The following DPP10 variants were observed in gnomAD, a reference collection of about 807,000 sequenced individuals.
DPP10 encodes dipeptidyl peptidase like 10.
DPP10 carries 33 observed loss-of-function variants against 120.9 expected under a neutral mutation model. The observed-to-expected ratio is 0.27, with a 90% CI of 0.21 to 0.37. DPP10 has a LOEUF of 0.37. DPP10 is among the 10% of genes least tolerant of loss of function. The pLI is 1.00. For synonymous variants in DPP10, 337 were observed against 326.1 expected, an observed-to-expected ratio of 1.03 and a Z score of -0.36; for missense variants, 816 against 942.8, an observed-to-expected ratio of 0.87 and a Z score of 1.76.
chr2:115,797,571 G>A (rs1575805227), intron 19 of DPP10, among the ~76,000 whole-genome samples: 2 of 151,860 alleles, frequency 1.3e-5, no homozygotes, highest in Admixed American at 6.6e-5. Context: ...TTAAATTTTA[G>A]GTTTATCATT....
chr2:115,378,366 G>T (rs2065985295), intron 3 of DPP10, among the ~76,000 whole-genome samples: 1 of 150,626 alleles, frequency 6.6e-6, no homozygotes, highest in African/African-American at 2.5e-5. Context: ...TCTGTTGTTG[G>T]TGTATAAGAA....
intron 5 of DPP10, among the ~76,000 whole-genome samples, chr2:115,643,320 G>A (rs1384807239): frequency 3.3e-5 from 5 of 152,012 alleles, no homozygotes; most frequent in Non-Finnish European, 7.4e-5. Context: ...TGGCTACTTC[G>A]GCTGCAATAG....
intron 1 of DPP10, among the ~76,000 whole-genome samples, chr2:115,121,899 A>T (rs2049842868): frequency 6.6e-6 from 1 of 152,174 alleles, no homozygotes; most frequent in African/African-American, 2.4e-5. Context: ...GATCATTTTT[A>T]GGCTGAACAG....
chr2:114,485,874 G>A (rs979014991), intron 1 of DPP10, among the ~76,000 whole-genome samples: 3 of 152,140 alleles, frequency 2.0e-5, no homozygotes, highest in Admixed American at 2.0e-4. Flanking sequence ...TAGGATTAGA[G>A]ATGGGAAACG....
At chr2:115,445,804 C>T (rs779739522) in intron 3 of DPP10, among the ~76,000 whole-genome samples, 12 of 152,280 alleles carry the variant, frequency 7.9e-5, no homozygotes, top group Middle Eastern at 3.4e-3. Flanking sequence ...ATGTTAATAG[C>T]GAAGACAATG....
intron 3 of DPP10, among the ~76,000 whole-genome samples, chr2:115,361,253 A>G (rs186988282): frequency 1.2e-4 from 19 of 152,126 alleles, no homozygotes; most frequent in African/African-American, 4.1e-4. Flanking sequence ...TCTCAGCTCA[A>G]TACCCCTGAG....
intron 1 of DPP10, among the ~76,000 whole-genome samples, chr2:114,674,486 G>A (rs1294021027): frequency 6.6e-6 from 1 of 151,892 alleles, no homozygotes; most frequent in Non-Finnish European, 1.5e-5. Flanking sequence ...TCAAAACGAA[G>A]GAAAAAGACA....
chr2:114,855,871 G>A (rs1689327032), intron 1 of DPP10, among the ~76,000 whole-genome samples: 2 of 151,664 alleles, frequency 1.3e-5, no homozygotes, highest in African/African-American at 4.8e-5. Flanking sequence ...AAATAAATAT[G>A]CTCTAGCCAA....
At chr2:114,485,604 A>C (rs1681445877) in intron 1 of DPP10, among the ~76,000 whole-genome samples, 1 of 151,604 alleles carries the variant, frequency 6.6e-6, no homozygotes, top group African/African-American at 2.4e-5. Context: ...GGCCTAATGT[A>C]GGAACTCAGT....
intron 5 of DPP10, among the ~76,000 whole-genome samples, chr2:115,546,112 T>G (rs2079484653): frequency 6.6e-6 from 1 of 152,134 alleles, no homozygotes; most frequent in Non-Finnish European, 1.5e-5. Flanking sequence ...TGGGAACATC[T>G]TTTTGGTTTT....
At position 115,451,426 on chromosome 2, in the gene DPP10, G is replaced by C. The variant is rs144998093; in HGVS notation, c.272-48084G>C. 1.5e-3 allele frequency among the ~76,000 whole-genome samples: 231 copies of C among 151,978 alleles called. 1 individual carries two copies. The highest frequency in any genetic ancestry group is 4.9e-3 in the African/African-American group (203 of 41,526). On this transcript the variant is annotated intron_variant, in intron 3 of 25. Transcript: ENST00000410059. ...TCCTCAAAGATTTCATGTCTGCCAA[G>C]TGTTGCAGACAAAAATAAAACTCTT...
At chr2:115,660,655 C>CTTTTTTT in intron 5 of DPP10, among the ~76,000 whole-genome samples, 21 of 25,318 alleles carry the variant, frequency 8.3e-4, no homozygotes, top group Admixed American at 4.4e-3. Flanking sequence ...CTCTGTCTGG[C>CTTTTTTT]TTTTTTTTTT....
chr2:114,557,446 C>T (rs574423491), intron 1 of DPP10, among the ~76,000 whole-genome samples: 1 of 152,142 alleles, frequency 6.6e-6, no homozygotes. Context: ...GAAGTGGAGA[C>T]CAACACGCCA....
At chr2:114,494,485 A>G (rs1682327641) in intron 1 of DPP10, among the ~76,000 whole-genome samples, 1 of 152,196 alleles carries the variant, frequency 6.6e-6, no homozygotes, top group South Asian at 2.1e-4. Context: ...AGAAGCAAGC[A>G]TGAGTTTGAC....
intron 5 of DPP10, among the ~76,000 whole-genome samples, chr2:115,633,546 G>T (rs9711166): frequency 0.21 from 31,646 of 151,838 alleles, 3,998 homozygotes; most frequent in East Asian, 0.39. Flanking sequence ...AAACCTGCAC[G>T]TTGTACACAT....
intron 1 of DPP10, among the ~76,000 whole-genome samples, chr2:115,306,687 T>A (rs1017143365): frequency 2.6e-5 from 4 of 152,156 alleles, no homozygotes; most frequent in Admixed American, 2.0e-4. Context: ...CCTTGAGCAT[T>A]GATGAGTCAT....
chr2:115,695,961 T>A (rs1262982735), intron 7 of DPP10, among the ~76,000 whole-genome samples: 2 of 152,012 alleles, frequency 1.3e-5, no homozygotes, highest in African/African-American at 4.8e-5. Flanking sequence ...TTACAGTAAC[T>A]GAAATAACAG....
chr2:114,451,576 A>G (rs1197249933), intron 1 of DPP10, among the ~76,000 whole-genome samples: 1 of 152,140 alleles, frequency 6.6e-6, no homozygotes, highest in South Asian at 2.1e-4. Flanking sequence ...AGATGAAGAA[A>G]AAAGGCAATG....
chr2:115,517,140 G>A (rs769847582), intron 4 of DPP10, among the ~76,000 whole-genome samples: 53 of 152,028 alleles, frequency 3.5e-4, no homozygotes, highest in South Asian at 1.9e-3. Context: ...GCAATTGCAC[G>A]TGTATTTCAG....
Sources: allele counts gnomAD v4.1 joint callset (sites outside exome capture counted in the v4.1 genomes callset), GRCh38; gene constraint gnomAD v4.1.1; transcripts MANE v1.5; gene names NCBI Gene and HGNC (gene_info 2026-07-23, HGNC 2026-07-21).